DNAH8: variants seen among roughly 807,000 people sequenced by gnomAD.
The protein encoded by DNAH8 is dynein axonemal heavy chain 8.
Under a neutral mutation model 562.1 loss-of-function variants are expected in DNAH8, and 382 were observed. The ratio of observed to expected loss-of-function variants is 0.68; its 90% CI spans 0.63 to 0.74. The LOEUF (loss-of-function observed/expected upper bound fraction) is 0.74. Among genes scored for constraint, DNAH8 ranks in the 30% least tolerant of loss-of-function variants. DNAH8 has a pLI of 0.00. For synonymous variants in DNAH8, 1,881 were observed against 1,919.4 expected, an observed-to-expected ratio of 0.98 and a Z score of 0.52; for missense variants, 5,203 against 5,620.4, an observed-to-expected ratio of 0.93 and a Z score of 2.37.
At chr6:38,960,549 A>G (rs530038572) in intron 82 of DNAH8, among the ~76,000 whole-genome samples, 1 of 152,098 alleles carries the variant, frequency 6.6e-6, no homozygotes, top group Non-Finnish European at 1.5e-5. Context: ...CATCAGAGAA[A>G]TACAAATCAA....
chr6:38,909,567 C>A lies in DNAH8; in HGVS notation c.9563C>A (p.Ser3188Ter). Residue 3188 changes from serine (S) to a stop codon, truncating the protein, a stop_gained, in exon 65 of 93, where the codon TCA becomes TAA. Coordinates refer to ENST00000327475, the MANE Select transcript of DNAH8 (RefSeq NM_001206927.2). LOFTEE classifies it high-confidence loss of function. ...ARSLKFPGLISGCTMDWFSRW... is the reference protein window; with the variant it reads ...ARSLKFPGLI ...TCTTTGAAATTTCCTGGCTTGATATCAGGTTGCACTATGGACTGGTTCAGC... is the reference window on the plus strand; with the variant it reads ...TCTTTGAAATTTCCTGGCTTGATATAAGGTTGCACTATGGACTGGTTCAGC... 1 of 1,614,142 alleles carries A rather than the reference C, an allele frequency of 6.2e-7. No individual in the cohort carries two copies. Among genetic ancestry groups the A allele is most frequent in the Non-Finnish European group, 8.5e-7 (1 of 1,180,008 alleles).
intron 88 of DNAH8, among the ~76,000 whole-genome samples, chr6:38,999,902 T>C (rs1218227593): frequency 7.2e-6 from 1 of 139,212 alleles, no homozygotes; most frequent in African/African-American, 2.8e-5. Flanking sequence ...ATACAAAAGT[T>C]GTAATAAGGC....
intron 24 of DNAH8, among the ~76,000 whole-genome samples, chr6:38,812,227 C>A (rs1388769030): frequency 6.6e-6 from 1 of 152,176 alleles, no homozygotes; most frequent in Non-Finnish European, 1.5e-5. Context: ...CCTGGCTAGG[C>A]TGTCCTTGAG....
At chr6:38,999,071 G>A (rs1371432929) in intron 88 of DNAH8, among the ~76,000 whole-genome samples, 1 of 152,192 alleles carries the variant, frequency 6.6e-6, no homozygotes, top group Non-Finnish European at 1.5e-5. Flanking sequence ...GTTGGGGAGA[G>A]CTTGGCTAGC....
intron 74 of DNAH8, among the ~76,000 whole-genome samples, chr6:38,926,936 G>A (rs1283833675): frequency 1.3e-5 from 2 of 152,120 alleles, no homozygotes; most frequent in Non-Finnish European, 2.9e-5. Context: ...TCCTCACAAT[G>A]TCTTGTTTGC....
rs755441128 is a variant in DNAH8, at chr6:38,775,743, C to G, written c.1765-11C>G. 1.3e-6 allele frequency: 2 copies of G among 1,540,992 alleles called. No homozygotes were observed. The highest frequency in any genetic ancestry group is 3.7e-5 in the Admixed American group (2 of 53,952). On this transcript the variant is annotated splice_polypyrimidine_tract_variant and intron_variant, in intron 12 of 92. Transcript: ENST00000327475. ...CATTTAAAAAAGCAAAATAACATTTCTCTTTTTAAGATTACAGAAATGATA... is the reference window on the plus strand; with the variant it reads ...CATTTAAAAAAGCAAAATAACATTTGTCTTTTTAAGATTACAGAAATGATA...
intron 4 of DNAH8, among the ~76,000 whole-genome samples, chr6:38,734,049 T>C (rs1345789255): frequency 1.3e-5 from 2 of 151,716 alleles, no homozygotes; most frequent in Admixed American, 1.3e-4. Context: ...TTTGGGAGGC[T>C]GAGGTGGGCA....
At chr6:39,012,047 A>G (rs1425829470) in intron 89 of DNAH8, among the ~76,000 whole-genome samples, 168 bp from the exon 90 acceptor site, 5 of 152,226 alleles carry the variant, frequency 3.3e-5, no homozygotes, top group Non-Finnish European at 1.5e-5. Context: ...AAACGCAGGA[A>G]ATGGAAAGTT....
chr6:38,859,673 T>A (rs1416201231), intron 42 of DNAH8, among the ~76,000 whole-genome samples: 1 of 152,224 alleles, frequency 6.6e-6, no homozygotes, highest in East Asian at 1.9e-4. Context: ...CTAAGTTTGC[T>A]TACCTGGTTT....
At chr6:38,891,413 C>T (rs935837426) in intron 58 of DNAH8, among the ~76,000 whole-genome samples, 2 of 152,156 alleles carry the variant, frequency 1.3e-5, no homozygotes, top group Non-Finnish European at 2.9e-5. Flanking sequence ...GATTAGTTGT[C>T]GTAATTCACT....
In DNAH8 at chr6:38,886,865, T is replaced by C; in HGVS notation, c.8334T>C (p.Thr2778=). 1 of 1,614,122 alleles carries C rather than the reference T, an allele frequency of 6.2e-7. No homozygotes were observed. The highest frequency in any genetic ancestry group is 1.6e-4 in the Middle Eastern group (1 of 6,062). The part of the protein sequence containing the change: ...MYSLDKPGDF[T]TIVDVQLIAA... ...GCTTGGACAAGCCTGGAGACTTCAC[T>C]ACTATTGTTGATGTGCAGCTCATAG... The change falls in exon 57 of 93, where the codon ACT becomes ACC. Residue 2778 remains threonine (T), a synonymous_variant. Coordinates refer to ENST00000327475, the MANE Select transcript of DNAH8 (RefSeq NM_001206927.2).
At chr6:38,832,794 C>T (rs1293360446) in intron 31 of DNAH8, among the ~76,000 whole-genome samples, 2 of 152,010 alleles carry the variant, frequency 1.3e-5, no homozygotes, top group African/African-American at 4.8e-5. Flanking sequence ...GGCCTGTGGG[C>T]TGTGGGTTGG....
rs1423414408 is a variant in DNAH8, at chr6:38,813,694, G to A, written c.3258-360G>A. 2.0e-5 allele frequency among the ~76,000 whole-genome samples: 3 copies of A among 152,034 alleles called. 1 individual carries two copies. The highest frequency in any genetic ancestry group is 7.2e-5 in the African/African-American group (3 of 41,380). ...GACCAGAAACTTCCTGTTTAATCTT[G>A]TGAAAATATAGATAAAGAAGCATAT... On this transcript the variant is annotated intron_variant, in intron 24 of 92. Transcript: ENST00000327475.
At chr6:38,789,745 A>C (rs904938985) in intron 18 of DNAH8, 58 bp from the exon 19 acceptor site, 15 of 1,313,216 alleles carry the variant, frequency 1.1e-5, no homozygotes, top group Non-Finnish European at 1.6e-5. Context: ...ATGAATCAAA[A>C]TGTGACTGCT....
chr6:39,009,668 A>C (rs1427934709), intron 89 of DNAH8, among the ~76,000 whole-genome samples: 1 of 152,162 alleles, frequency 6.6e-6, no homozygotes, highest in Non-Finnish European at 1.5e-5. Context: ...AATCAAGCTA[A>C]GTGGCAGAGC....
intron 86 of DNAH8, among the ~76,000 whole-genome samples, chr6:38,983,326 G>A (rs1764164907): frequency 6.6e-6 from 1 of 152,186 alleles, no homozygotes; most frequent in South Asian, 2.1e-4. Flanking sequence ...GGTAATTAGA[G>A]ATTCTGAAGC....
chr6:38,718,593 T>C (rs921105619), intron 1 of DNAH8, among the ~76,000 whole-genome samples: 2 of 152,216 alleles, frequency 1.3e-5, no homozygotes, highest in Non-Finnish European at 2.9e-5. Flanking sequence ...AGCTATATGA[T>C]CTATTTTAAC....
At chr6:38,758,776 G>A (rs992878473) in intron 10 of DNAH8, among the ~76,000 whole-genome samples, 8 of 152,092 alleles carry the variant, frequency 5.3e-5, no homozygotes, top group South Asian at 2.1e-4. Context: ...ATCTGCATCT[G>A]TTGAGATAAT....
intron 60 of DNAH8, among the ~76,000 whole-genome samples, chr6:38,897,134 G>C (rs1779755434): frequency 6.6e-6 from 1 of 152,114 alleles, no homozygotes; most frequent in Non-Finnish European, 1.5e-5. Flanking sequence ...CCAAATTCTG[G>C]AGTGACAGGC....
Sources: allele counts gnomAD v4.1 joint callset (sites outside exome capture counted in the v4.1 genomes callset), GRCh38; gene constraint gnomAD v4.1.1; transcripts MANE v1.5; gene names NCBI Gene and HGNC (gene_info 2026-07-23, HGNC 2026-07-21).